The following SCN3A variants were observed in gnomAD, a reference collection of about 807,000 sequenced individuals.
The protein encoded by SCN3A is sodium channel protein type 3 subunit alpha.
Under a neutral mutation model 187.6 loss-of-function variants are expected in SCN3A, and 60 were observed. The observed-to-expected ratio is 0.32, with a 90% CI of 0.26 to 0.40. The LOEUF (loss-of-function observed/expected upper bound fraction) is 0.40. SCN3A is among the 10% of genes least tolerant of loss of function. SCN3A has a pLI of 1.00. For synonymous variants in SCN3A, 788 were observed against 829.2 expected, an observed-to-expected ratio of 0.95 and a Z score of 0.85; for missense variants, 1,601 against 2,428.2, an observed-to-expected ratio of 0.66 and a Z score of 7.16.
rs750173841 is a variant in SCN3A at position 165,154,425 on chromosome 2, T to A, written c.1380+27A>T. On this transcript the variant is annotated intron_variant, in intron 11 of 27. Coordinates refer to ENST00000283254, the MANE Select transcript of SCN3A (RefSeq NM_006922.4). ...ACTTAGAAACTAATAATAATAATGA[T>A]AAATCTTTGCTTTTATCACTCAGTA... is the stretch of plus-strand genomic sequence containing the variant. 37 of 1,608,382 alleles carry A rather than the reference T, an allele frequency of 2.3e-5. 1 individual carries two copies. The African/African-American group carries it at 4.1e-4, about 18-fold the overall frequency.
At chr2:165,115,023 A>G (rs1303151247) in intron 19 of SCN3A, among the ~76,000 whole-genome samples, 3 of 152,050 alleles carry the variant, frequency 2.0e-5, no homozygotes, top group Non-Finnish European at 2.9e-5. Context: ...TGCCTTCACT[A>G]TTTATTTTAA....
chr2:165,096,579 C>T (rs971018368), intron 23 of SCN3A, 59 bp from the exon 24 acceptor site: 46 of 1,240,938 alleles, frequency 3.7e-5, no homozygotes, highest in Non-Finnish European at 5.4e-5. Context: ...TGACATTTAA[C>T]CAGATGAAAA....
chr2:165,131,207 G>A (rs779031363), intron 16 of SCN3A, 37 bp downstream of exon 16: 1 of 1,350,472 alleles, frequency 7.4e-7, no homozygotes, highest in East Asian at 2.6e-5. Context: ...AATAAATGTT[G>A]TGCCAATGAG....
At position 165,089,855 on chromosome 2, in the gene SCN3A, G is replaced by GTAGT; in HGVS notation, c.*291_*294dup. 2.5e-6 allele frequency: 1 copy of GTAGT among 399,008 alleles called. No individual in the cohort carries two copies. The highest frequency in any genetic ancestry group is 2.9e-5 in the South Asian group (1 of 34,944). 24.7% of individuals were successfully genotyped at this position (399,008 alleles called of 1,614,324 possible). A position where few individuals can be genotyped will look rare whatever the true frequency, so the allele number is the denominator to read the frequency against. On this transcript the variant is annotated 3_prime_UTR_variant, in exon 28 of 28. Coordinates refer to ENST00000283254, the MANE Select transcript of SCN3A (RefSeq NM_006922.4). Reference sequence around the variant, plus strand: ...AAGGACTGTACTAAAGGTGTTTGGTGTAGTTACAATGTTCACTTTGCACAA... The same window carrying GTAGT: ...AAGGACTGTACTAAAGGTGTTTGGTGTAGTTAGTTACAATGTTCACTTTGCACAA...
intron 18 of SCN3A, among the ~76,000 whole-genome samples, chr2:165,125,688 T>G (rs1343285756): frequency 6.6e-6 from 1 of 152,154 alleles, no homozygotes; most frequent in Non-Finnish European, 1.5e-5. Flanking sequence ...ATGTCAAGAT[T>G]TCCTTGAAGG....
chr2:165,185,662 C>G (rs1559274400), intron 2 of SCN3A, among the ~76,000 whole-genome samples: 1 of 152,108 alleles, frequency 6.6e-6, no homozygotes, highest in African/African-American at 2.4e-5. Context: ...CTTGTGGACC[C>G]GAACAACCTC....
intron 21 of SCN3A, among the ~76,000 whole-genome samples, chr2:165,100,749 T>C (rs888002957): frequency 1.3e-5 from 2 of 152,230 alleles, no homozygotes; most frequent in African/African-American, 2.4e-5. Context: ...AGATCCTTCA[T>C]GGATGTGTGC....
At chr2:165,195,354 TA>T (rs1469669736) in intron 1 of SCN3A, 1 of 152,162 alleles carries the variant, frequency 6.6e-6, no homozygotes, top group Non-Finnish European at 1.5e-5. Context: ...AGGATCCTGA[TA>T]AAATTGCCAG....
chr2:165,197,743 T>C (rs1692057561), intron 1 of SCN3A, among the ~76,000 whole-genome samples: 1 of 152,002 alleles, frequency 6.6e-6, no homozygotes, highest in Admixed American at 6.6e-5. Context: ...TCCCATACTA[T>C]TCATGCTTTA....
chr2:165,115,394 A>G (rs924014614), intron 19 of SCN3A, 61 bp downstream of exon 19: 2 of 1,607,772 alleles, frequency 1.2e-6, no homozygotes, highest in Non-Finnish European at 1.7e-6. Flanking sequence ...TAAATGAGGC[A>G]TATTCAGTCT....
chr2:165,149,179 CTTT>C (rs11293055), intron 11 of SCN3A, among the ~76,000 whole-genome samples: 16 of 144,906 alleles, frequency 1.1e-4, no homozygotes, highest in Admixed American at 1.4e-4. Context: ...CACTTCCAAA[CTTT>C]TTTTTTTTTT....
At chr2:165,117,676 T>G (rs1686439465) in intron 18 of SCN3A, among the ~76,000 whole-genome samples, 1 of 152,122 alleles carries the variant, frequency 6.6e-6, no homozygotes, top group African/African-American at 2.4e-5. Context: ...TTTAGATAAT[T>G]CTATCTCTCC....
chr2:165,158,622 G>A (rs1689198883), intron 9 of SCN3A, among the ~76,000 whole-genome samples: 1 of 137,450 alleles, frequency 7.3e-6, no homozygotes, highest in Non-Finnish European at 1.5e-5. Flanking sequence ...GTTGCTTTGT[G>A]TTTTCTAGAA....
Position 165,090,074 on chromosome 2 carries a change from G to A in SCN3A, c.*76C>T. 6.5e-7 allele frequency: 1 copy of A among 1,540,182 alleles called. No individual in the cohort carries two copies. The highest frequency in any genetic ancestry group is 8.7e-7 in the Non-Finnish European group (1 of 1,144,568). ...GTCAGTTTGGCATGGACCTCCTCTTGAAGTCCAGTTGACACATATACTTTA... is the reference window on the plus strand; with the variant it reads ...GTCAGTTTGGCATGGACCTCCTCTTAAAGTCCAGTTGACACATATACTTTA... On this transcript the variant is annotated 3_prime_UTR_variant, in exon 28 of 28. Coordinates refer to ENST00000283254, the MANE Select transcript of SCN3A (RefSeq NM_006922.4). This position sits in a 1 kb window ranked among gnomAD's most constrained non-coding sequence, Gnocchi z 4.0.
intron 2 of SCN3A, among the ~76,000 whole-genome samples, chr2:165,182,974 CA>C (rs745609592): frequency 0.026 from 2,292 of 86,996 alleles, 48 homozygotes; most frequent in African/African-American, 0.073. Flanking sequence ...AAGACCTTGT[CA>C]AAAAAAAAAA....
intron 3 of SCN3A, among the ~76,000 whole-genome samples, chr2:165,175,176 T>A (rs1196050050): frequency 6.6e-6 from 1 of 152,214 alleles, no homozygotes. Flanking sequence ...AATAAAGGTG[T>A]TTAATATCTT....
rs1390179314 is a variant in SCN3A at position 165,142,819 on chromosome 2, C to T, written c.1672-1821G>A. Among the ~76,000 whole-genome samples the T allele has an allele frequency of 2.6e-5, 4 of 151,920 alleles. No homozygotes were observed. In the South Asian group the frequency reaches 6.2e-4, roughly 24 times the overall value. On this transcript the variant is annotated intron_variant, in intron 12 of 27. Transcript: ENST00000283254. ...AGGCTGGAGTGCAGTGGTACAATCT[C>T]GGCTCACTGCAATCTCCACCTCCCA...
chr2:165,094,172 A>G, intron 26 of SCN3A: 2 of 605,422 alleles, frequency 3.3e-6, no homozygotes, highest in Non-Finnish European at 5.9e-6. Flanking sequence ...CTCACAAATT[A>G]TAAAGAACAT....
chr2:165,169,951 G>T (rs564145068), intron 4 of SCN3A, among the ~76,000 whole-genome samples: 1 of 151,610 alleles, frequency 6.6e-6, no homozygotes, highest in Non-Finnish European at 1.5e-5. Context: ...GGAATAAGAC[G>T]GAAGGGAAAA....
Sources: gnomAD v4.1 joint callset for allele counts (sites outside exome capture counted in the v4.1 genomes callset) on GRCh38, gnomAD v4.1.1 for gene constraint, Gnocchi (gnomAD v3.1) non-coding constraint, MANE v1.5 for transcripts, NCBI Gene and HGNC (gene_info 2026-07-23, HGNC 2026-07-21) for gene names.